Variants in CNTN5 observed in about 807,000 individuals in gnomAD.
The protein encoded by CNTN5 is contactin-5.
In CNTN5, 77 loss-of-function variants were observed where a neutral mutation model predicts 129.1. The ratio of observed to expected loss-of-function variants is 0.60; its 90% confidence interval spans 0.50 to 0.72. The LOEUF (loss-of-function observed/expected upper bound fraction) is 0.72, where lower values mean the gene tolerates loss of function less well. Among genes scored for constraint, CNTN5 ranks in the 30% least tolerant of loss-of-function variants. The pLI, the probability that CNTN5 is intolerant of heterozygous loss-of-function variation, is 0.00. For synonymous variants in CNTN5, 509 were observed against 465.6 expected (o/e 1.09, Z -1.20); for missense variants, 1,478 against 1,328.8 (o/e 1.11, Z -1.75).
intron 2 of CNTN5, among the ~76,000 whole-genome samples, chr11:99,480,709 T>C (rs1417030367): frequency 1.3e-5 from 2 of 151,956 alleles, no homozygotes; most frequent in African/African-American, 4.8e-5. Context: ...TGTATAGTCA[T>C]TTTTTTTGTT....
intron 1 of CNTN5, among the ~76,000 whole-genome samples, chr11:99,226,441 A>T (rs745600780): frequency 5.3e-5 from 8 of 152,178 alleles, no homozygotes; most frequent in Non-Finnish European, 1.2e-4. Flanking sequence ...CATTCTTACC[A>T]ATCAACTGTG....
intron 2 of CNTN5, among the ~76,000 whole-genome samples, chr11:99,484,053 A>G (rs2135323633): frequency 6.6e-6 from 1 of 152,256 alleles, no homozygotes; most frequent in African/African-American, 2.4e-5. Flanking sequence ...AAATAAACAA[A>G]TGGGACTATA....
intron 3 of CNTN5, among the ~76,000 whole-genome samples, chr11:99,728,244 A>G (rs1360180002): frequency 6.6e-6 from 1 of 152,180 alleles, no homozygotes; most frequent in Non-Finnish European, 1.5e-5. Flanking sequence ...ATAGATATTG[A>G]GCAGGAAGAA....
intron 24 of CNTN5, among the ~76,000 whole-genome samples, chr11:100,351,576 T>C (rs1247755396): frequency 6.7e-6 from 1 of 149,546 alleles, no homozygotes; most frequent in East Asian, 2.0e-4. Flanking sequence ...CCACCATCAT[T>C]ATTACATAAG....
intron 16 of CNTN5, among the ~76,000 whole-genome samples, chr11:100,249,006 CCT>C (rs1198478934): frequency 1.3e-5 from 2 of 152,096 alleles, no homozygotes; most frequent in Non-Finnish European, 2.9e-5. Context: ...ACTCTTTTTG[CCT>C]CTGTTTCTGA....
intron 13 of CNTN5, among the ~76,000 whole-genome samples, chr11:100,101,031 T>A (rs1945203713): frequency 6.6e-6 from 1 of 152,110 alleles, no homozygotes; most frequent in Non-Finnish European, 1.5e-5. Context: ...GGGTCTTGGT[T>A]TAGCAGAAGA....
intron 2 of CNTN5, among the ~76,000 whole-genome samples, chr11:99,475,650 G>A (rs890010691): frequency 6.6e-6 from 1 of 151,874 alleles, no homozygotes; most frequent in Non-Finnish European, 1.5e-5. Flanking sequence ...TTTTAAGCCT[G>A]TAATGGAAAT....
chr11:99,041,597 A>G (rs1300376939), intron 1 of CNTN5, among the ~76,000 whole-genome samples: 1 of 152,156 alleles, frequency 6.6e-6, no homozygotes, highest in Non-Finnish European at 1.5e-5. Flanking sequence ...TTTTATCTCA[A>G]ATTGATTGCC....
intron 3 of CNTN5, among the ~76,000 whole-genome samples, chr11:99,673,711 C>A (rs941129662): frequency 6.6e-6 from 1 of 151,842 alleles, no homozygotes; most frequent in Non-Finnish European, 1.5e-5. Flanking sequence ...GTTTTCTCTT[C>A]CTGTGGTAGT....
chr11:99,844,209 C>G (rs1947606521), intron 4 of CNTN5, among the ~76,000 whole-genome samples: 2 of 152,082 alleles, frequency 1.3e-5, no homozygotes, highest in African/African-American at 4.8e-5. Context: ...TCCTTTTATG[C>G]CTTTTGTCTT....
chr11:100,127,047 G>C (rs772045572), intron 13 of CNTN5, among the ~76,000 whole-genome samples: 58 of 150,378 alleles, frequency 3.9e-4, no homozygotes, highest in Non-Finnish European at 7.1e-4. Context: ...AGCCTCCCAG[G>C]TAGCCCAGGT....
At position 99,538,622 on chromosome 11, in the gene CNTN5, G is replaced by A. The variant is rs530352286; in HGVS notation, c.-70-17523G>A. On this transcript the variant is annotated intron_variant, in intron 2 of 24. Coordinates refer to ENST00000524871, the MANE Select transcript of CNTN5 (RefSeq NM_014361.4). The stretch of plus-strand genomic sequence containing the variant: ...CATTCCGCATGGCAGATTTAAGAAT[G>A]TATTGGAGTAAGTCAAGTGGAAAAT... 1.5e-4 allele frequency among the ~76,000 whole-genome samples: 23 copies of A among 152,218 alleles called. 1 individual carries two copies. In the South Asian group the frequency reaches 2.7e-3, roughly 18 times the overall value.
chr11:100,248,981 C>T (rs1949906507), intron 16 of CNTN5, among the ~76,000 whole-genome samples: 1 of 152,114 alleles, frequency 6.6e-6, no homozygotes, highest in Non-Finnish European at 1.5e-5. Context: ...ATGATTTTAC[C>T]TTCAAAGCAA....
intron 13 of CNTN5, among the ~76,000 whole-genome samples, chr11:100,146,656 A>T (rs1946860445): frequency 6.6e-6 from 1 of 152,160 alleles, no homozygotes; most frequent in Non-Finnish European, 1.5e-5. Flanking sequence ...ATTCTCAGCG[A>T]GTAGATCATA....
intron 2 of CNTN5, among the ~76,000 whole-genome samples, chr11:99,432,141 A>C (rs1390442410): frequency 1.3e-5 from 2 of 152,168 alleles, no homozygotes; most frequent in East Asian, 3.9e-4. Context: ...CTTTCAGCTT[A>C]ATATATCCCT....
intron 2 of CNTN5, among the ~76,000 whole-genome samples, chr11:99,400,975 T>C (rs1001625504): frequency 6.6e-6 from 1 of 152,200 alleles, no homozygotes; most frequent in Non-Finnish European, 1.5e-5. Context: ...ATACTCTAGT[T>C]ATTAATCCTT....
At chr11:99,027,784 T>G (rs1183736011) in intron 1 of CNTN5, among the ~76,000 whole-genome samples, 1 of 151,702 alleles carries the variant, frequency 6.6e-6, no homozygotes, top group East Asian at 1.9e-4. Context: ...GATGCTTTAA[T>G]TGACAAATTA....
chr11:99,634,488 G>A (rs1354739511), intron 3 of CNTN5, among the ~76,000 whole-genome samples: 2 of 152,248 alleles, frequency 1.3e-5, no homozygotes, highest in Non-Finnish European at 2.9e-5. Flanking sequence ...GGTGTCTGAA[G>A]GTTGTTTCTA....
chr11:99,618,074 T>C (rs776953006), intron 3 of CNTN5, among the ~76,000 whole-genome samples: 2 of 152,136 alleles, frequency 1.3e-5, no homozygotes, highest in Non-Finnish European at 2.9e-5. Flanking sequence ...TTTAACTATA[T>C]TCAAGGATGA....
Sources: gnomAD v4.1 joint callset for allele counts (sites outside exome capture counted in the v4.1 genomes callset) on GRCh38, gnomAD v4.1.1 for gene constraint, MANE v1.5 for transcripts, NCBI Gene and HGNC (gene_info 2026-07-23, HGNC 2026-07-21) for gene names.